Variants in TMEM126B observed in about 807,000 individuals in gnomAD.
TMEM126B encodes complex I assembly factor TMEM126B, mitochondrial.
A neutral mutation model predicts 16.5 loss-of-function variants in TMEM126B; 19 were observed. The observed-to-expected ratio is 1.15, with a 90% CI of 0.80 to 1.69. TMEM126B has a LOEUF of 1.69. Ranked by LOEUF, TMEM126B falls within the 40% of genes most tolerant of loss-of-function variation. TMEM126B has a pLI of 0.00. For synonymous variants in TMEM126B, 104 were observed against 93.2 expected (o/e 1.12, Z -0.67); for missense variants, 293 against 278.7 (o/e 1.05, Z -0.37).
At chr11:85,630,073 C>A (rs1490537824) in intron 1 of TMEM126B, among the ~76,000 whole-genome samples, 1 of 152,212 alleles carries the variant, frequency 6.6e-6, no homozygotes, top group Admixed American at 6.5e-5. Flanking sequence ...GTACATACCG[C>A]TCATTCAGCA....
At chr11:85,629,086 G>T (rs1405825953) in intron 1 of TMEM126B, 1 of 589,562 alleles carries the variant, frequency 1.7e-6, no homozygotes, top group Non-Finnish European at 2.9e-6. Context: ...TAGGTTGTTG[G>T]GTTTTTCGTT....
Position 85,631,578 on chromosome 11 carries a change from C to T in TMEM126B, c.82-109C>T. 3 of 1,244,408 alleles carry T rather than the reference C, an allele frequency of 2.4e-6. No homozygotes were observed. In the South Asian group the frequency reaches 4.3e-5, roughly 18 times the overall value. The allele number at this position is 1,244,408 out of a possible 1,614,324, so 77.1% of individuals were successfully genotyped here. On this transcript the variant is annotated intron_variant, in intron 1 of 4. Coordinates refer to ENST00000358867, the MANE Select transcript of TMEM126B (RefSeq NM_018480.7). Reference sequence around the variant, plus strand: ...TGAAAGCAGACGACACAGTACCTGGCACACTACTAAACTGTAAATGTTTTC... The same window carrying T: ...TGAAAGCAGACGACACAGTACCTGGTACACTACTAAACTGTAAATGTTTTC...
In TMEM126B at chr11:85,631,941, A is replaced by G. The variant is rs953962857; in HGVS notation, c.203+133A>G. The G allele has an allele frequency of 1.6e-4, 133 of 849,014 alleles. 1 individual carries two copies. The East Asian group carries it at 4.2e-3, about 27-fold the overall frequency. The allele number at this position is 849,014 out of a possible 1,614,324, so 52.6% of individuals were successfully genotyped here. On this transcript the variant is annotated intron_variant, in intron 2 of 4. Coordinates refer to ENST00000358867, the MANE Select transcript of TMEM126B (RefSeq NM_018480.7). ...CCTATTCTTTGAGTTGGCTATGAAGAACACATCTTTAAAAAAAAGAATGGG... is the reference window on the plus strand; with the variant it reads ...CCTATTCTTTGAGTTGGCTATGAAGGACACATCTTTAAAAAAAAGAATGGG...
chr11:85,630,000 T>C (rs1360202665), intron 1 of TMEM126B, among the ~76,000 whole-genome samples: 2 of 152,214 alleles, frequency 1.3e-5, no homozygotes, highest in Admixed American at 6.5e-5. Context: ...AAGGAGCTCA[T>C]ACCTTCTGTA....
intron 1 of TMEM126B, 49 bp downstream of exon 1, chr11:85,628,737 A>G: frequency 6.7e-7 from 1 of 1,490,990 alleles, no homozygotes; most frequent in East Asian, 2.5e-5. Context: ...GCACCTTCAA[A>G]GTGTTGGCAG....
intron 4 of TMEM126B, 60 bp downstream of exon 4, chr11:85,635,838 TTAGG>T: frequency 1.7e-6 from 2 of 1,182,502 alleles, no homozygotes; most frequent in Non-Finnish European, 2.3e-6. Flanking sequence ...TTTTTTTTTT[TTAGG>T]TTAATAAACT....
rs767065263 is a variant in TMEM126B at position 85,634,170 on chromosome 11, C to CT, written c.290dup (p.Lys98GlnfsTer3). The CT allele has an allele frequency of 5.0e-6, 8 of 1,613,690 alleles. No individual in the cohort carries two copies. In the East Asian group the frequency reaches 1.6e-4, roughly 31 times the overall value. ...TCTCAAACTTCCTGTTCAGACGCTG[C>CT]TTCAAGGTTAAACATGATGCTTTGA... On this transcript the variant is annotated frameshift_variant, in exon 3 of 5. Transcript: ENST00000358867. LOFTEE classifies it high-confidence loss of function.
chr11:85,631,310 A>G, intron 1 of TMEM126B: 1 of 1,241,880 alleles, frequency 8.1e-7, no homozygotes, highest in Non-Finnish European at 1.0e-6. Flanking sequence ...AAACAGCAAC[A>G]GTATCAGTAT....
chr11:85,633,041 G>A (rs2082332588), intron 2 of TMEM126B, among the ~76,000 whole-genome samples: 1 of 152,112 alleles, frequency 6.6e-6, no homozygotes, highest in Admixed American at 6.6e-5. Flanking sequence ...CTATGAGTGA[G>A]AATATGCGGT....
chr11:85,631,603 C>A, intron 1 of TMEM126B, 84 bp from the exon 2 acceptor site: 1 of 1,468,266 alleles, frequency 6.8e-7, no homozygotes, highest in Non-Finnish European at 9.2e-7. Flanking sequence ...TAAATGTTTT[C>A]AAATCTGAAT....
chr11:85,628,751 C>G, intron 1 of TMEM126B, 63 bp downstream of exon 1: 3 of 1,446,450 alleles, frequency 2.1e-6, no homozygotes, highest in Middle Eastern at 1.7e-4. Context: ...TTGGCAGACT[C>G]TTCTAAGATG....
intron 3 of TMEM126B, 39 bp downstream of exon 3, chr11:85,634,318 TAAGTA>T (rs745897299): frequency 1.2e-5 from 18 of 1,455,530 alleles, no homozygotes; most frequent in Non-Finnish European, 1.6e-5. Context: ...TAGTTATGTC[TAAGTA>T]AAGTTACTTA....
chr11:85,634,237 G>A lies in TMEM126B; in HGVS notation c.355G>A (p.Val119Ile), dbSNP rs2082358081. ...SLATLPFLST[V>I]VTDKLFVIDA... is the part of the protein sequence containing the mutation. The stretch of plus-strand genomic sequence containing the variant: ...GGCTACACTTCCATTTTTGTCTACT[G>A]TTGTTACTGACAAGCTTTTTGTAAT... The change falls in exon 3 of 5, where the codon GTT becomes ATT. Residue 119 changes from valine to isoleucine, a missense_variant. Coordinates refer to ENST00000358867, the MANE Select transcript of TMEM126B (RefSeq NM_018480.7). The A allele has an allele frequency of 6.2e-7, 1 of 1,613,542 alleles. No homozygotes were observed. The highest frequency in any genetic ancestry group is 8.5e-7 in the Non-Finnish European group (1 of 1,179,840).
intron 2 of TMEM126B, 70 bp downstream of exon 2, chr11:85,631,878 A>C: frequency 2.0e-6 from 3 of 1,471,422 alleles, no homozygotes; most frequent in Non-Finnish European, 2.7e-6. Flanking sequence ...ATTGTTTCTA[A>C]GATCCTATTC....
Position 85,634,216 on chromosome 11 carries a change from A to G in TMEM126B, c.334A>G (p.Thr112Ala). The G allele has an allele frequency of 1.2e-6, 2 of 1,613,822 alleles. No individual in the cohort carries two copies. The highest frequency in any genetic ancestry group is 1.7e-6 in the Non-Finnish European group (2 of 1,179,898). The change falls in exon 3 of 5, where the codon ACA becomes GCA. Residue 112 changes from threonine to alanine, a missense_variant. Thr to Ala is a moderately conservative substitution (Grantham distance 58, BLOSUM62 0). Transcript: ENST00000358867. ...TTTGAAGACATATGCATCATTGGCT[A>G]CACTTCCATTTTTGTCTACTGTTGT... Reference protein sequence around the residue: ...DALKTYASLATLPFLSTVVTD... With the variant: ...DALKTYASLAALPFLSTVVTD...
rs1473965860 is a variant in TMEM126B, at chr11:85,631,733, T to C, written c.128T>C (p.Leu43Pro). 6 of 1,613,412 alleles carry C rather than the reference T, an allele frequency of 3.7e-6. No individual in the cohort carries two copies. The African/African-American group carries it at 6.7e-5, about 18-fold the overall frequency. ...ATGCATGGTCAGCCCAGTCCTTCTC[T>C]AGAAGATGCAAAACTCAGAAGACCA... ...ASMHGQPSPS[L>P]EDAKLRRPMV... The change falls in exon 2 of 5, where the codon CTA becomes CCA. Residue 43 changes from leucine to proline, a missense_variant. Leu to Pro is a moderately conservative substitution (Grantham distance 98). Transcript: ENST00000358867.
intron 1 of TMEM126B, chr11:85,631,102 C>T: frequency 7.1e-6 from 9 of 1,272,828 alleles, no homozygotes; most frequent in Non-Finnish European, 8.2e-6. Context: ...TTTTCTCTCT[C>T]ACTATTCTCC....
chr11:85,631,311 G>A (rs2082292341), intron 1 of TMEM126B: 1 of 1,239,630 alleles, frequency 8.1e-7, no homozygotes, highest in Middle Eastern at 2.3e-4. Flanking sequence ...AACAGCAACA[G>A]TATCAGTATG....
chr11:85,630,196 A>G (rs2082261501), intron 1 of TMEM126B, among the ~76,000 whole-genome samples: 1 of 152,246 alleles, frequency 6.6e-6, no homozygotes. Flanking sequence ...GAATCCAGGT[A>G]TCTCAGGAGG....
Sources: allele counts gnomAD v4.1 joint callset (sites outside exome capture counted in the v4.1 genomes callset), GRCh38; gene constraint gnomAD v4.1.1; transcripts MANE v1.5; gene names NCBI Gene and HGNC (gene_info 2026-07-23, HGNC 2026-07-21).